DSTYK: variants seen among roughly 807,000 people sequenced by gnomAD.
DSTYK encodes the protein RIP-homologous kinase.
Under a neutral mutation model 98.7 loss-of-function variants are expected in DSTYK, and 34 were observed. The observed-to-expected ratio is 0.34, with a 90% confidence interval of 0.26 to 0.46. The LOEUF is 0.46. Among genes scored for constraint, DSTYK ranks in the 20% least tolerant of loss-of-function variants. The probability of loss-of-function intolerance (pLI) is 1.00; values close to 1 mark genes in which losing one functional copy is unlikely to be tolerated. For missense variants in DSTYK, 962 were observed against 1,181.7 expected (o/e 0.81, Z 2.73); for synonymous variants, 462 against 457.3 (o/e 1.01, Z -0.13).
intron 12 of DSTYK, 65 bp from the exon 13 acceptor site, chr1:205,147,810 C>A: frequency 6.5e-7 from 1 of 1,549,692 alleles, no homozygotes; most frequent in Non-Finnish European, 8.8e-7. Flanking sequence ...AGAGGCATGA[C>A]CAGCTCAAAG....
At chr1:205,154,969 AATTTATTTATTT>A (rs34240202) in intron 10 of DSTYK, among the ~76,000 whole-genome samples, 5 of 147,890 alleles carry the variant, frequency 3.4e-5, no homozygotes, top group Admixed American at 6.8e-5. Context: ...TGGTGGAAGA[AATTTATTTATTT>A]ATTTATTTAT....
rs563222755 is a variant in DSTYK, at chr1:205,156,811, G to C, written c.2352+462C>G. Reference sequence around the variant, plus strand: ...GGGCAGAATGATATGGTTTGGCTGTGTCCCCACCCAAATCTCATCTTGAAT... The same window carrying C: ...GGGCAGAATGATATGGTTTGGCTGTCTCCCCACCCAAATCTCATCTTGAAT... On this transcript the variant is annotated intron_variant, in intron 10 of 12. Coordinates refer to ENST00000367162, the MANE Select transcript of DSTYK (RefSeq NM_015375.3). 9.9e-5 allele frequency among the ~76,000 whole-genome samples: 15 copies of C among 152,236 alleles called. No individual in the cohort carries two copies. The East Asian group carries it at 2.9e-3, about 29-fold the overall frequency.
chr1:205,149,475 G>A lies in DSTYK; in HGVS notation c.2468-1136C>T, dbSNP rs183905452. Among the ~76,000 whole-genome samples the A allele has an allele frequency of 1.4e-4, 21 of 152,258 alleles. No homozygotes were observed. The East Asian group carries it at 1.9e-3, about 14-fold the overall frequency. Reference sequence around the variant, plus strand: ...ATTCCCATCACTTGGGCTCAAAACCGTGGAGTCATCTTTTAGTCATTCTTT... The same window carrying A: ...ATTCCCATCACTTGGGCTCAAAACCATGGAGTCATCTTTTAGTCATTCTTT... On this transcript the variant is annotated intron_variant, in intron 11 of 12. Coordinates refer to ENST00000367162, the MANE Select transcript of DSTYK (RefSeq NM_015375.3).
rs143642938 is a variant in DSTYK at position 205,154,166 on chromosome 1, T to C, written c.2352+3107A>G. On this transcript the variant is annotated intron_variant, in intron 10 of 12. Coordinates refer to ENST00000367162, the MANE Select transcript of DSTYK (RefSeq NM_015375.3). Reference sequence around the variant, plus strand: ...GTGAAGGGTATATGGGTCTTCATTGTACCACTCTTCCATAAGTTTAACATT... The same window carrying C: ...GTGAAGGGTATATGGGTCTTCATTGCACCACTCTTCCATAAGTTTAACATT... Among the ~76,000 whole-genome samples, 59 of 152,182 alleles carry C rather than the reference T, an allele frequency of 3.9e-4. 1 individual carries two copies. The highest frequency in any genetic ancestry group is 1.4e-3 in the African/African-American group (59 of 41,540).
intron 1 of DSTYK, among the ~76,000 whole-genome samples, chr1:205,194,422 TC>T (rs1658801906): frequency 1.3e-5 from 2 of 152,180 alleles, no homozygotes; most frequent in African/African-American, 2.4e-5. Flanking sequence ...TTTATTATAC[TC>T]CTGCAGCTCA....
At chr1:205,162,856 G>A (rs1030540716) in intron 5 of DSTYK, 67 bp downstream of exon 5, 3 of 1,179,438 alleles carry the variant, frequency 2.5e-6, no homozygotes, top group Non-Finnish European at 3.8e-6. Flanking sequence ...GTTTCCTACT[G>A]GGGTCACTAT....
chr1:205,154,654 A>C (rs560098291), intron 10 of DSTYK, among the ~76,000 whole-genome samples: 1 of 152,288 alleles, frequency 6.6e-6, no homozygotes, highest in African/African-American at 2.4e-5. Context: ...GGATACATGA[A>C]ATTGTGGAAG....
rs917904910 is a variant in DSTYK at position 205,163,074 on chromosome 1, A to G, written c.1558-68T>C. 6.7e-6 allele frequency: 9 copies of G among 1,333,996 alleles called. No individual in the cohort carries two copies. The African/African-American group carries it at 1.0e-4, about 15-fold the overall frequency. The allele number at this position is 1,333,996 out of a possible 1,614,324, so 82.6% of individuals were successfully genotyped here. On this transcript the variant is annotated intron_variant, in intron 4 of 12. Coordinates refer to ENST00000367162, the MANE Select transcript of DSTYK (RefSeq NM_015375.3). ...GGCTATTTTAAAAATGCAATAAATG[A>G]TACTTATTTCAAGAACACAGTCCAG...
At chr1:205,176,802 T>A (rs1439837458) in intron 2 of DSTYK, among the ~76,000 whole-genome samples, 1 of 152,136 alleles carries the variant, frequency 6.6e-6, no homozygotes, top group Non-Finnish European at 1.5e-5. Flanking sequence ...GGCTGACCCC[T>A]TCCTAAGAAT....
chr1:205,150,454 C>T lies in DSTYK; in HGVS notation c.2467+226G>A, dbSNP rs1375014536. The stretch of plus-strand genomic sequence containing the variant: ...TTATGGCAGTTATGGCACTAATAAC[C>T]GAGAGAGATGTCCAAATGGTGATTC... On this transcript the variant is annotated intron_variant, in intron 11 of 12. Coordinates refer to ENST00000367162, the MANE Select transcript of DSTYK (RefSeq NM_015375.3). The surrounding 1 kb of genome is among the most constrained non-coding windows in gnomAD (Gnocchi z 4.1). 6.6e-6 allele frequency among the ~76,000 whole-genome samples: 1 copy of T among 152,058 alleles called. No individual in the cohort carries two copies. The highest frequency in any genetic ancestry group is 1.5e-5 in the Non-Finnish European group (1 of 68,028).
At chr1:205,155,727 T>C (rs900546314) in intron 10 of DSTYK, among the ~76,000 whole-genome samples, 1 of 151,730 alleles carries the variant, frequency 6.6e-6, no homozygotes, top group Admixed American at 6.6e-5. Flanking sequence ...AATTCAAGCC[T>C]GCTGCAGAAA....
intron 1 of DSTYK, among the ~76,000 whole-genome samples, chr1:205,205,515 A>G (rs994620533): frequency 6.6e-6 from 1 of 151,976 alleles, no homozygotes; most frequent in African/African-American, 2.4e-5. Flanking sequence ...GCATGATCTC[A>G]GCTCACTGCA....
Position 205,150,447 on chromosome 1 carries a change from T to TA in DSTYK, c.2467+232dup, listed in dbSNP as rs1005245025. ...TGGCTGATTATGGCAGTTATGGCAC[T>TA]AATAACCGAGAGAGATGTCCAAATG... On this transcript the variant is annotated intron_variant, in intron 11 of 12. Transcript: ENST00000367162. This position sits in a 1 kb window ranked among gnomAD's most constrained non-coding sequence, Gnocchi z 4.1. Among the ~76,000 whole-genome samples the TA allele has an allele frequency of 1.3e-5, 2 of 152,170 alleles. No homozygotes were observed. Among genetic ancestry groups the TA allele is most frequent in the Non-Finnish European group, 2.9e-5 (2 of 68,034 alleles).
intron 10 of DSTYK, among the ~76,000 whole-genome samples, chr1:205,154,530 G>A (rs558018344): frequency 3.3e-5 from 5 of 152,260 alleles, no homozygotes; most frequent in African/African-American, 1.2e-4. Flanking sequence ...GCGGAACTGT[G>A]AGTCAATTAA....
In DSTYK at chr1:205,157,327, G is replaced by A. The variant is rs1226397565; in HGVS notation, c.2298C>T (p.Arg766=). Residue 766 remains arginine (R), a synonymous_variant, in exon 10 of 13, where the codon CGC becomes CGT. Transcript: ENST00000367162. ...GGACAAGTCCCTGGCTGTGCAGGAAGCGGATTCCCTCCACCACATCTAGTG... is the reference window on the plus strand; with the variant it reads ...GGACAAGTCCCTGGCTGTGCAGGAAACGGATTCCCTCCACCACATCTAGTG... ...QIALDVVEGI[R]FLHSQGLVHR... The A allele has an allele frequency of 1.2e-6, 2 of 1,614,170 alleles. No individual in the cohort carries two copies. The highest frequency in any genetic ancestry group is 4.5e-5 in the East Asian group (2 of 44,868).
At chr1:205,152,536 T>C (rs1454440127) in intron 10 of DSTYK, among the ~76,000 whole-genome samples, 3 of 152,240 alleles carry the variant, frequency 2.0e-5, no homozygotes, top group Non-Finnish European at 2.9e-5. Flanking sequence ...CAAACTGTCA[T>C]TGCGCAGTGC....
intron 1 of DSTYK, chr1:205,202,473 TA>T: frequency 1.2e-6 from 1 of 818,890 alleles, no homozygotes. Context: ...TACACATGCT[TA>T]AAAATGCAGA....
chr1:205,154,100 AAG>A (rs199974300), intron 10 of DSTYK, among the ~76,000 whole-genome samples: 3 of 149,996 alleles, frequency 2.0e-5, no homozygotes, highest in East Asian at 2.0e-4. Context: ...TATAGAGAGA[AAG>A]AGAGAGCGTA....
intron 1 of DSTYK, among the ~76,000 whole-genome samples, chr1:205,191,519 A>C (rs1276052326): frequency 1.3e-5 from 2 of 152,218 alleles, no homozygotes; most frequent in African/African-American, 4.8e-5. Flanking sequence ...GTTGGATTAG[A>C]TAATCTTTAA....
Sources: allele counts gnomAD v4.1 joint callset (sites outside exome capture counted in the v4.1 genomes callset), GRCh38; gene constraint gnomAD v4.1.1; non-coding constraint Gnocchi (gnomAD v3.1); transcripts MANE v1.5; gene names NCBI Gene and HGNC (gene_info 2026-07-23, HGNC 2026-07-21).